The following CNTNAP2 variants were observed in gnomAD, a reference collection of about 807,000 sequenced individuals.
The protein encoded by CNTNAP2 is contactin-associated protein-like 2.
In CNTNAP2, 98 loss-of-function variants were observed where a neutral mutation model predicts 155.2. The observed-to-expected ratio is 0.63, with a 90% confidence interval of 0.54 to 0.75. The LOEUF is 0.75. CNTNAP2 is among the 30% of genes least tolerant of loss of function. The pLI is 0.00. For synonymous variants in CNTNAP2, 651 were observed against 631.2 expected (o/e 1.03, Z -0.47); for missense variants, 1,727 against 1,688.1 (o/e 1.02, Z -0.40).
chr7:146,997,466 G>C (rs113280946), intron 3 of CNTNAP2, among the ~76,000 whole-genome samples: 8 of 152,152 alleles, frequency 5.3e-5, no homozygotes, highest in African/African-American at 1.7e-4. Flanking sequence ...GTTGAATTTG[G>C]TTTACTAGTA....
At chr7:147,879,826 A>T (rs1799489282) in intron 13 of CNTNAP2, among the ~76,000 whole-genome samples, 1 of 152,154 alleles carries the variant, frequency 6.6e-6, no homozygotes, top group Non-Finnish European at 1.5e-5. Context: ...GAAATAGGAG[A>T]TGCCAACTGA....
chr7:147,663,378 A>G (rs1795646253), intron 13 of CNTNAP2, among the ~76,000 whole-genome samples: 1 of 152,124 alleles, frequency 6.6e-6, no homozygotes, highest in Non-Finnish European at 1.5e-5. Context: ...AGATAAATGA[A>G]CTCCCATTGG....
chr7:147,783,331 T>C (rs1278932849), intron 13 of CNTNAP2, among the ~76,000 whole-genome samples: 1 of 152,174 alleles, frequency 6.6e-6, no homozygotes, highest in Admixed American at 6.5e-5. Flanking sequence ...TGTTTGTGAA[T>C]TTGCAAGCAC....
At position 146,573,059 on chromosome 7, in the gene CNTNAP2, C is replaced by T. The variant is rs188841256; in HGVS notation, c.98-201212C>T. 6.7e-4 allele frequency among the ~76,000 whole-genome samples: 102 copies of T among 152,252 alleles called. No homozygotes were observed. In the Middle Eastern group the frequency reaches 0.017, roughly 25 times the overall value. On this transcript the variant is annotated intron_variant, in intron 1 of 23. Transcript: ENST00000361727. ...GGGGTAAATATCAAGTGTTATGCGT[C>T]TCTTTGGGTCCTTCGATTTCTCCAT...
intron 3 of CNTNAP2, among the ~76,000 whole-genome samples, chr7:147,004,640 T>G (rs1584778178): frequency 6.6e-6 from 1 of 151,906 alleles, no homozygotes; most frequent in African/African-American, 2.4e-5. Flanking sequence ...TATGGCGGAG[T>G]TGAAAGTTAA....
chr7:146,792,179 G>A (rs1802686638), intron 2 of CNTNAP2, among the ~76,000 whole-genome samples: 1 of 151,878 alleles, frequency 6.6e-6, no homozygotes, highest in Admixed American at 6.6e-5. Context: ...ATGTAACTCT[G>A]AGTTATTCAG....
At chr7:148,302,813 C>CTTTTTTTTTTTTTT (rs59354674) in intron 21 of CNTNAP2, among the ~76,000 whole-genome samples, 1 of 86,938 alleles carries the variant, frequency 1.2e-5, no homozygotes, top group Non-Finnish European at 2.0e-5. Context: ...CTCGATTATT[C>CTTTTTTTTTTTTTT]TTTTTTTTTT....
At chr7:147,136,279 T>C (rs1293576786) in intron 8 of CNTNAP2, among the ~76,000 whole-genome samples, 3 of 152,004 alleles carry the variant, frequency 2.0e-5, no homozygotes, top group Non-Finnish European at 4.4e-5. Context: ...ATTCAGAATA[T>C]GTCCTGTCCT....
intron 1 of CNTNAP2, among the ~76,000 whole-genome samples, chr7:146,355,088 G>T (rs1416771571): frequency 6.6e-6 from 1 of 152,092 alleles, no homozygotes; most frequent in Non-Finnish European, 1.5e-5. Context: ...GTAAAAATGG[G>T]TTTGTAGTTT....
intron 11 of CNTNAP2, among the ~76,000 whole-genome samples, chr7:147,553,917 G>A (rs557619331): frequency 6.6e-6 from 1 of 152,124 alleles, no homozygotes; most frequent in Non-Finnish European, 1.5e-5. Context: ...AGCCGAGATC[G>A]CGTCATTGCA....
intron 15 of CNTNAP2, among the ~76,000 whole-genome samples, chr7:148,046,159 C>A (rs1289803619): frequency 6.6e-6 from 1 of 152,116 alleles, no homozygotes; most frequent in Non-Finnish European, 1.5e-5. Flanking sequence ...TGGCTCACTG[C>A]AGCCTCAACC....
chr7:148,238,927 T>A (rs2116795036), intron 20 of CNTNAP2, among the ~76,000 whole-genome samples: 1 of 152,364 alleles, frequency 6.6e-6, no homozygotes, highest in African/African-American at 2.4e-5. Flanking sequence ...CTAAAAATTT[T>A]ACTATCAGAA....
chr7:147,531,998 A>G (rs537225020), intron 11 of CNTNAP2, among the ~76,000 whole-genome samples: 146 of 152,008 alleles, frequency 9.6e-4, no homozygotes, highest in Non-Finnish European at 1.6e-3. Context: ...TAGTAGAGAC[A>G]GGGTTTCACC....
At chr7:147,785,032 TA>T (rs2116562689) in intron 13 of CNTNAP2, among the ~76,000 whole-genome samples, 1 of 152,154 alleles carries the variant, frequency 6.6e-6, no homozygotes, top group African/African-American at 2.4e-5. Context: ...TATTTGCAAA[TA>T]TAACACTGGA....
At chr7:147,089,012 GAGAGAAAGAGAA>G (rs57021242) in intron 4 of CNTNAP2, among the ~76,000 whole-genome samples, 1 of 151,564 alleles carries the variant, frequency 6.6e-6, no homozygotes. Flanking sequence ...GAGAGAGAAA[GAGAGAAAGAGAA>G]AGAGAAAGAG....
At chr7:147,348,698 GT>G (rs1795920387) in intron 9 of CNTNAP2, among the ~76,000 whole-genome samples, 1 of 152,020 alleles carries the variant, frequency 6.6e-6, no homozygotes, top group Non-Finnish European at 1.5e-5. Flanking sequence ...ACACCCCCAT[GT>G]TTATTGCAGC....
intron 3 of CNTNAP2, among the ~76,000 whole-genome samples, chr7:146,869,930 C>G (rs895641394): frequency 6.6e-6 from 1 of 152,156 alleles, no homozygotes; most frequent in Admixed American, 6.6e-5. Flanking sequence ...AACAATACTT[C>G]GCATCCTTCA....
At chr7:147,729,668 T>G (rs73472851) in intron 13 of CNTNAP2, among the ~76,000 whole-genome samples, 2 of 151,884 alleles carry the variant, frequency 1.3e-5, no homozygotes, top group African/African-American at 2.4e-5. Context: ...GCTTACAACA[T>G]GAGGAGCAGT....
chr7:147,889,996 A>G (rs1001460317), intron 13 of CNTNAP2, among the ~76,000 whole-genome samples: 1 of 152,222 alleles, frequency 6.6e-6, no homozygotes, highest in East Asian at 1.9e-4. Flanking sequence ...CCTGTTTTCT[A>G]TGACCAATTA....
Sources: gnomAD v4.1 joint callset for allele counts (sites outside exome capture counted in the v4.1 genomes callset) on GRCh38, gnomAD v4.1.1 for gene constraint, MANE v1.5 for transcripts, NCBI Gene and HGNC (gene_info 2026-07-23, HGNC 2026-07-21) for gene names.